The following ATF6 variants were observed in gnomAD, a reference collection of about 807,000 sequenced individuals.
ATF6 encodes activating transcription factor 6, also known as cyclic AMP-dependent transcription factor ATF-6 alpha.
ATF6 carries 53 observed loss-of-function variants against 83.6 expected under a neutral mutation model. That is an observed-to-expected ratio of 0.63 (90% CI 0.51 to 0.80). The LOEUF is 0.80. Among genes scored for constraint, ATF6 ranks in the 30% least tolerant of loss-of-function variants. The pLI is 0.00. For synonymous variants in ATF6, 288 were observed against 285.8 expected (o/e 1.01, Z -0.08); for missense variants, 744 against 797.9 (o/e 0.93, Z 0.81).
chr1:161,879,340 T>G (rs1051734406), intron 14 of ATF6, among the ~76,000 whole-genome samples: 3 of 152,088 alleles, frequency 2.0e-5, no homozygotes, highest in Non-Finnish European at 4.4e-5. Flanking sequence ...TTGTGAGGCC[T>G]TGGTGGGGTG....
At chr1:161,857,928 C>T (rs1686799200) in intron 12 of ATF6, among the ~76,000 whole-genome samples, 1 of 152,010 alleles carries the variant, frequency 6.6e-6, no homozygotes, top group African/African-American at 2.4e-5. Flanking sequence ...AGAGCAACTA[C>T]TAAAAGCTAA....
chr1:161,825,119 A>G (rs1685861651), intron 9 of ATF6, among the ~76,000 whole-genome samples: 1 of 152,124 alleles, frequency 6.6e-6, no homozygotes, highest in Admixed American at 6.5e-5. Flanking sequence ...TCTGTTGCCC[A>G]GGCTGGAGTG....
intron 15 of ATF6, among the ~76,000 whole-genome samples, chr1:161,919,925 A>T (rs1688171443): frequency 6.6e-6 from 1 of 152,220 alleles, no homozygotes; most frequent in Non-Finnish European, 1.5e-5. Flanking sequence ...AAGCAAACCA[A>T]CCAAATAAAT....
chr1:161,869,316 A>T (rs1431482489), intron 14 of ATF6, among the ~76,000 whole-genome samples: 1 of 151,958 alleles, frequency 6.6e-6, no homozygotes, highest in African/African-American at 2.4e-5. Context: ...TATATATATA[A>T]AAATTCAATT....
At chr1:161,891,577 T>C (rs1231246074) in intron 14 of ATF6, 1 of 152,218 alleles carries the variant, frequency 6.6e-6, no homozygotes, top group African/African-American at 2.4e-5. Flanking sequence ...CGCCAGATCC[T>C]GCTGCACCTA....
Position 161,880,682 on chromosome 1 carries a change from C to T in ATF6, c.1719+17370C>T, listed in dbSNP as rs573983042. Among the ~76,000 whole-genome samples the T allele has an allele frequency of 9.2e-5, 14 of 152,216 alleles. No individual in the cohort carries two copies. In the Middle Eastern group the frequency reaches 0.014, roughly 148 times the overall value. ...TATATTCACCTTCTACTGTTAGCTA[C>T]TACAAACAAAGCAACTGTGACTATT... On this transcript the variant is annotated intron_variant, in intron 14 of 15. Coordinates refer to ENST00000367942, the MANE Select transcript of ATF6 (RefSeq NM_007348.4).
intron 15 of ATF6, among the ~76,000 whole-genome samples, chr1:161,914,716 C>T (rs1395545112): frequency 6.6e-6 from 1 of 152,178 alleles, no homozygotes; most frequent in Non-Finnish European, 1.5e-5. Flanking sequence ...GACCCTGCCA[C>T]TTCTTTTCTG....
intron 15 of ATF6, among the ~76,000 whole-genome samples, chr1:161,935,586 G>C (rs535724416): frequency 3.3e-5 from 5 of 152,318 alleles, no homozygotes; most frequent in South Asian, 2.1e-4. Context: ...ACAGAGACAA[G>C]TGTAATCCCA....
At chr1:161,776,437 T>C (rs1414758766) in intron 1 of ATF6, among the ~76,000 whole-genome samples, 1 of 152,072 alleles carries the variant, frequency 6.6e-6, no homozygotes, top group East Asian at 1.9e-4. Flanking sequence ...CTTTGGAAGC[T>C]GACATCTCTG....
chr1:161,922,072 A>G (rs981780655), intron 15 of ATF6, among the ~76,000 whole-genome samples: 2 of 152,114 alleles, frequency 1.3e-5, no homozygotes, highest in South Asian at 2.1e-4. Context: ...CCTCTTGTCT[A>G]TATTGTTGCA....
chr1:161,899,840 G>A (rs1327296609), intron 14 of ATF6, among the ~76,000 whole-genome samples: 1 of 151,966 alleles, frequency 6.6e-6, no homozygotes, highest in Non-Finnish European at 1.5e-5. Flanking sequence ...CTTCTATTAG[G>A]CACCCGTCCA....
At chr1:161,877,456 AG>A (rs1394024476) in intron 14 of ATF6, among the ~76,000 whole-genome samples, 1 of 152,134 alleles carries the variant, frequency 6.6e-6, no homozygotes, top group Non-Finnish European at 1.5e-5. Flanking sequence ...ATATGAAGGC[AG>A]TTAAGTAAGG....
Position 161,819,125 on chromosome 1 carries a change from G to A in ATF6, c.910-508G>A, listed in dbSNP as rs1470195485. Among the ~76,000 whole-genome samples, 6 of 152,092 alleles carry A rather than the reference G, an allele frequency of 3.9e-5. No individual in the cohort carries two copies. In the East Asian group the frequency reaches 1.2e-3, roughly 29 times the overall value. ...GGGATTGAGAAGGACTGAATATAGT[G>A]AATAAAGTAAAATAATAGTTACTAT... On this transcript the variant is annotated intron_variant, in intron 7 of 15. Coordinates refer to ENST00000367942, the MANE Select transcript of ATF6 (RefSeq NM_007348.4).
chr1:161,792,020 G>C lies in ATF6; in HGVS notation c.485-104G>C, dbSNP rs556222715. The C allele has an allele frequency of 2.1e-4, 205 of 954,550 alleles. No individual in the cohort carries two copies. The African/African-American group carries it at 3.1e-3, about 14-fold the overall frequency. 59.1% of individuals were successfully genotyped at this position (954,550 alleles called of 1,614,324 possible). A position where few individuals can be genotyped will look rare whatever the true frequency, so the allele number is the denominator to read the frequency against. ...AAACTCCAGTTAAAGATTGTTAATC[G>C]AAGTTAAGATAATGTGTAGAGAAAG... is the stretch of plus-strand genomic sequence containing the variant. On this transcript the variant is annotated intron_variant, in intron 5 of 15. Coordinates refer to ENST00000367942, the MANE Select transcript of ATF6 (RefSeq NM_007348.4).
intron 10 of ATF6, among the ~76,000 whole-genome samples, chr1:161,848,315 G>A (rs1337937370): frequency 6.6e-6 from 1 of 151,876 alleles, no homozygotes; most frequent in African/African-American, 2.4e-5. Flanking sequence ...ATATTACTTT[G>A]TTCTGTGTTC....
At chr1:161,801,501 C>T (rs1383657331) in intron 6 of ATF6, among the ~76,000 whole-genome samples, 1 of 151,226 alleles carries the variant, frequency 6.6e-6, no homozygotes, top group East Asian at 1.9e-4. Context: ...CACTATGTTG[C>T]CTTGGCTGGT....
chr1:161,777,870 A>G (rs1231461951), intron 1 of ATF6, among the ~76,000 whole-genome samples: 1 of 152,190 alleles, frequency 6.6e-6, no homozygotes, highest in African/African-American at 2.4e-5. Flanking sequence ...CTTATGAACC[A>G]TGTCTACTTT....
chr1:161,857,267 G>A (rs1250800063), intron 12 of ATF6, among the ~76,000 whole-genome samples: 1 of 151,848 alleles, frequency 6.6e-6, no homozygotes, highest in Non-Finnish European at 1.5e-5. Flanking sequence ...TGTAATTTTA[G>A]TGAACTGACA....
chr1:161,915,961 A>T (rs1456999231), intron 15 of ATF6, among the ~76,000 whole-genome samples: 2 of 152,128 alleles, frequency 1.3e-5, no homozygotes, highest in Non-Finnish European at 2.9e-5. Context: ...TGGTGTAGGG[A>T]GACTTCTTTG....
Sources: allele counts gnomAD v4.1 joint callset (sites outside exome capture counted in the v4.1 genomes callset), GRCh38; gene constraint gnomAD v4.1.1; transcripts MANE v1.5; gene names NCBI Gene and HGNC (gene_info 2026-07-23, HGNC 2026-07-21).